Variants in DNHD1 observed in about 807,000 individuals in gnomAD.
The protein encoded by DNHD1 is dynein heavy chain domain-containing protein 1.
A neutral mutation model predicts 458.1 loss-of-function variants in DNHD1; 383 were observed. The observed-to-expected ratio is 0.84, with a 90% CI of 0.77 to 0.91. The LOEUF (loss-of-function observed/expected upper bound fraction) is 0.91, where lower values mean the gene tolerates loss of function less well. Among genes scored for constraint, DNHD1 ranks in the 40% least tolerant of loss-of-function variants. DNHD1 has a pLI of 0.00. For missense variants in DNHD1, 5,336 were observed against 5,866.1 expected (o/e 0.91, Z 2.95); for synonymous variants, 2,203 against 2,376.9 (o/e 0.93, Z 2.13).
At chr11:6,526,395 T>C (rs1191261133) in intron 10 of DNHD1, among the ~76,000 whole-genome samples, 1 of 152,218 alleles carries the variant, frequency 6.6e-6, no homozygotes, top group Admixed American at 6.5e-5. Context: ...AGTTTTGCTC[T>C]GGTTTTTGAC....
At chr11:6,569,575 T>G (rs531384174) in intron 39 of DNHD1, among the ~76,000 whole-genome samples, 1 of 152,044 alleles carries the variant, frequency 6.6e-6, no homozygotes, top group Non-Finnish European at 1.5e-5. Context: ...AACAATATCC[T>G]TTTTGTGTGT....
Position 6,548,765 on chromosome 11 carries a change from C to T in DNHD1, c.7219C>T (p.Pro2407Ser). Residue 2407 changes from proline to serine, a missense_variant, in exon 24 of 43, where the codon CCT (proline) becomes TCT (serine). By Grantham distance (74) the Pro-to-Ser change is moderately conservative (BLOSUM62 -1). This residue lies in a region of DNHD1 where 3,932 missense variants were observed against 4,365.6 expected (regional missense o/e 0.90). Coordinates refer to ENST00000254579, the MANE Select transcript of DNHD1 (RefSeq NM_144666.3). The surrounding 1 kb of genome is among the most constrained non-coding windows in gnomAD (Gnocchi z 4.4). ...FVEVLVEPHH[P>S]YIYSPIHPAF... Reference sequence around the variant, plus strand: ...GGAGGTGCTGGTAGAGCCACATCACCCTTACATATACAGCCCCATCCACCC... The same window carrying T: ...GGAGGTGCTGGTAGAGCCACATCACTCTTACATATACAGCCCCATCCACCC... 1 of 1,551,638 alleles carries T rather than the reference C, an allele frequency of 6.4e-7. No homozygotes were observed. Among genetic ancestry groups the T allele is most frequent in the Non-Finnish European group, 8.7e-7 (1 of 1,146,986 alleles).
Position 6,557,674 on chromosome 11 carries a change from G to T in DNHD1, c.8379G>T (p.Lys2793Asn). Residue 2793 changes from lysine (K) to asparagine (N), a missense_variant, in exon 25 of 43, where the codon AAG becomes AAT. Coordinates refer to ENST00000254579, the MANE Select transcript of DNHD1 (RefSeq NM_144666.3). ...GATCATTCAAGACTTGGTGGCAGAA[G>T]AAACCCCAGATGGACCTGATCTCAC... ...VRRSFKTWWQ[K>N]KPQMDLISPL... is the part of the protein sequence containing the mutation. 1 of 1,551,728 alleles carries T rather than the reference G, an allele frequency of 6.4e-7. No homozygotes were observed. Among genetic ancestry groups the T allele is most frequent in the South Asian group, 1.2e-5 (1 of 84,060 alleles).
chr11:6,561,944 G>C (rs183253689), intron 28 of DNHD1, among the ~76,000 whole-genome samples: 17 of 152,328 alleles, frequency 1.1e-4, no homozygotes, highest in Admixed American at 2.0e-4. Context: ...TGGGGGTATT[G>C]TCAATCAAAT....
intron 14 of DNHD1, among the ~76,000 whole-genome samples, chr11:6,536,184 T>C (rs1852944532): frequency 6.6e-6 from 1 of 152,100 alleles, no homozygotes; most frequent in African/African-American, 2.4e-5. Context: ...AGATGTCTGT[T>C]ACAAAAGAAA....
Position 6,567,237 on chromosome 11 carries a change from T to C in DNHD1, c.11728T>C (p.Leu3910=), listed in dbSNP as rs775183354. The C allele has an allele frequency of 1.2e-6, 2 of 1,613,960 alleles. No individual in the cohort carries two copies. The highest frequency in any genetic ancestry group is 1.6e-4 in the Middle Eastern group (1 of 6,062). ...GEDLASHLLQ[L]RAHLTRQLLG... is the part of the protein sequence containing the mutation. The stretch of plus-strand genomic sequence containing the variant: ...GGACCTGGCCAGCCATCTACTGCAA[T>C]TGAGAGCACACCTGACCCGCCAGCT... Residue 3910 remains leucine, a synonymous_variant, in exon 36 of 43, where the codon TTG becomes CTG. Transcript: ENST00000254579.
chr11:6,512,491 G>C (rs1013599198), intron 7 of DNHD1, among the ~76,000 whole-genome samples: 1 of 151,696 alleles, frequency 6.6e-6, no homozygotes, highest in Non-Finnish European at 1.5e-5. Context: ...CAAAGTGCTG[G>C]GATTACAGGT....
chr11:6,506,162 T>G (rs1247342890), intron 4 of DNHD1, among the ~76,000 whole-genome samples: 1 of 152,160 alleles, frequency 6.6e-6, no homozygotes, highest in East Asian at 1.9e-4. Context: ...TCTCAATTCC[T>G]CTCAATATAA....
At chr11:6,510,140 A>T (rs544960671) in intron 6 of DNHD1, among the ~76,000 whole-genome samples, 1 of 152,032 alleles carries the variant, frequency 6.6e-6, no homozygotes, top group East Asian at 1.9e-4. Flanking sequence ...CTGGAGTACA[A>T]TGGCGCGATT....
intron 14 of DNHD1, among the ~76,000 whole-genome samples, chr11:6,534,898 C>T (rs1306077431): frequency 6.6e-6 from 1 of 152,152 alleles, no homozygotes; most frequent in Non-Finnish European, 1.5e-5. Context: ...AGGTGTGTGC[C>T]ACCATGCCTG....
rs1589864373 is a variant in DNHD1, at chr11:6,502,926, G to C, written c.920G>C (p.Arg307Thr). 1 of 1,613,348 alleles carries C rather than the reference G, an allele frequency of 6.2e-7. No individual in the cohort carries two copies. Among genetic ancestry groups the C allele is most frequent in the East Asian group, 2.2e-5 (1 of 44,832 alleles). The change falls in exon 4 of 43, where the codon AGG becomes ACG. Residue 307 changes from arginine to threonine, a missense_variant and splice_region_variant. Physicochemically the swap from Arg to Thr is moderately conservative, Grantham distance 71. Transcript: ENST00000254579. The part of the protein sequence containing the change: ...YLNVAPSRYF[R>T]PYSLMVVPPD... The stretch of plus-strand genomic sequence containing the variant: ...AATGTGGCTCCCAGCCGGTACTTTA[G>C]GTGATAGCCTATGTCCAGGCCCCTT...
chr11:6,559,256 G>C lies in DNHD1; in HGVS notation c.9492G>C (p.Leu3164Phe). 1.3e-6 allele frequency: 2 copies of C among 1,551,636 alleles called. No individual in the cohort carries two copies. Among genetic ancestry groups the C allele is most frequent in the Non-Finnish European group, 1.7e-6 (2 of 1,146,980 alleles). The stretch of plus-strand genomic sequence containing the variant: ...CCCATGCCAATCTGATCTTTGACTT[G>C]GAACAGCAGCTGAAAGACTCCGGCA... ...HGTHANLIFD[L>F]EQQLKDSGKS... The change falls in exon 28 of 43, where the codon TTG (leucine) becomes TTC (phenylalanine). Residue 3164 changes from leucine (L) to phenylalanine (F), a missense_variant. By Grantham distance (22) the Leu-to-Phe change is conservative. This residue lies in a region of DNHD1 where 3,932 missense variants were observed against 4,365.6 expected (regional missense o/e 0.90). Transcript: ENST00000254579.
intron 32 of DNHD1, among the ~76,000 whole-genome samples, 156 bp downstream of exon 32, chr11:6,564,960 C>T (rs1380803511): frequency 6.6e-6 from 1 of 152,184 alleles, no homozygotes. Flanking sequence ...AATTTGGTCA[C>T]ATTTATTTTT....
rs763576370 is a variant in DNHD1, at chr11:6,571,933, C to A, written c.14209C>A (p.Pro4737Thr). ...TCTGCCTTTACCCACCAAGCTCACC[C>A]CCAACACCTGTGTCCAAAGGAGGGT... ...MHLPLPTKLT[P>T]NTCVQRRVHV... is the part of the protein sequence containing the mutation. Residue 4737 changes from proline (P) to threonine (T), a missense_variant, in exon 43 of 43, where the codon CCC (proline) becomes ACC (threonine). Pro to Thr is a conservative substitution (Grantham distance 38, BLOSUM62 -1). Around this residue, in one of 4 missense-constraint regions of DNHD1, gnomAD observed 698 missense variants for 664.9 expected, o/e 1.05. Transcript: ENST00000254579. The surrounding 1 kb of genome is among the most constrained non-coding windows in gnomAD (Gnocchi z 5.0). 10 of 1,613,832 alleles carry A rather than the reference C, an allele frequency of 6.2e-6. No individual in the cohort carries two copies. The Admixed American group carries it at 1.0e-4, about 16-fold the overall frequency.
chr11:6,546,462 G>A lies in DNHD1; in HGVS notation c.5523G>A (p.Leu1841=). 6.4e-7 allele frequency: 1 copy of A among 1,551,016 alleles called. No homozygotes were observed. The highest frequency in any genetic ancestry group is 8.7e-7 in the Non-Finnish European group (1 of 1,147,008). Residue 1841 remains leucine (L), a synonymous_variant, in exon 21 of 43, where the codon CTG becomes CTA. Coordinates refer to ENST00000254579, the MANE Select transcript of DNHD1 (RefSeq NM_144666.3). The part of the protein sequence containing the change: ...DLRQVAELTL[L]GAGMRDAFQM... The stretch of plus-strand genomic sequence containing the variant: ...GGCAAGTGGCAGAGCTGACTCTGCT[G>A]GGTGCAGGGATGAGGGATGCCTTCC...
chr11:6,549,148 CTTCTT>C, intron 24 of DNHD1: 1 of 599,258 alleles, frequency 1.7e-6, no homozygotes. Context: ...TCCAATCTCA[CTTCTT>C]TTCTAAGCAC....
At chr11:6,528,435 G>GTGTGTA (rs1852758547) in intron 10 of DNHD1, 87 bp from the exon 11 acceptor site, 1 of 1,223,188 alleles carries the variant, frequency 8.2e-7, no homozygotes, top group Non-Finnish European at 1.1e-6. Flanking sequence ...GTGTGTGTGT[G>GTGTGTA]TACACACACT....
chr11:6,570,808 C>T lies in DNHD1; in HGVS notation c.13296C>T (p.Ala4432=), dbSNP rs1670350127. 1 of 1,613,894 alleles carries T rather than the reference C, an allele frequency of 6.2e-7. No individual in the cohort carries two copies. Among genetic ancestry groups the T allele is most frequent in the African/African-American group, 1.3e-5 (1 of 75,074 alleles). The part of the protein sequence containing the change: ...PVWVPESRRG[A]QLAERRLRQR... The stretch of plus-strand genomic sequence containing the variant: ...GGGTTCCTGAGTCTCGAAGAGGCGC[C>T]CAGCTTGCGGAAAGGCGACTGCGGC... The change falls in exon 42 of 43, where the codon GCC becomes GCT. Residue 4432 remains alanine, a synonymous_variant. Coordinates refer to ENST00000254579, the MANE Select transcript of DNHD1 (RefSeq NM_144666.3).
rs146843933 is a variant in DNHD1, at chr11:6,547,556, G to A, written c.6617G>A (p.Gly2206Glu). Residue 2206 changes from glycine (G) to glutamate (E), a missense_variant, in exon 21 of 43, where the codon GGG becomes GAG. This residue lies in a region of DNHD1 where 3,932 missense variants were observed against 4,365.6 expected (regional missense o/e 0.90). Transcript: ENST00000254579. Reference protein sequence around the residue: ...QGVSSLLQVHGQQAVCAGVAE... With the variant: ...QGVSSLLQVHEQQAVCAGVAE... ...GTCAGCTCTCTGCTGCAGGTACACG[G>A]GCAGCAGGCTGTTTGTGCAGGTGTG... The A allele has an allele frequency of 1.1e-3, 1,678 of 1,550,976 alleles. 1 individual carries two copies. The highest frequency in any genetic ancestry group is 1.4e-3 in the Non-Finnish European group (1,609 of 1,146,380).
Sources: allele counts gnomAD v4.1 joint callset (sites outside exome capture counted in the v4.1 genomes callset), GRCh38; gene constraint gnomAD v4.1.1; regional missense constraint gnomAD v4.1.1; non-coding constraint Gnocchi (gnomAD v3.1); transcripts MANE v1.5; gene names NCBI Gene and HGNC (gene_info 2026-07-23, HGNC 2026-07-21).